CLSTN2: variants seen among roughly 807,000 people sequenced by gnomAD.
CLSTN2 encodes calsyntenin 2, also known as calsyntenin-2.
Under a neutral mutation model 101.2 loss-of-function variants are expected in CLSTN2, and 48 were observed. The observed-to-expected ratio is 0.47, with a 90% CI of 0.38 to 0.60. The LOEUF is 0.60. Ranked by LOEUF, CLSTN2 falls within the 20% of genes least tolerant of loss-of-function variation. The probability of loss-of-function intolerance (pLI) is 0.00; values close to 1 mark genes in which losing one functional copy is unlikely to be tolerated. For missense variants in CLSTN2, 1,160 were observed against 1,238.2 expected (o/e 0.94, Z 0.95); for synonymous variants, 481 against 463.6 (o/e 1.04, Z -0.48).
At chr3:140,220,356 G>A (rs568082055) in intron 2 of CLSTN2, among the ~76,000 whole-genome samples, 1 of 152,302 alleles carries the variant, frequency 6.6e-6, no homozygotes, top group African/African-American at 2.4e-5. Flanking sequence ...GGCAGAGAGT[G>A]CAAGTTCCAA....
At chr3:140,056,168 A>C (rs753859730) in intron 1 of CLSTN2, among the ~76,000 whole-genome samples, 2 of 152,186 alleles carry the variant, frequency 1.3e-5, no homozygotes, top group African/African-American at 2.4e-5. Context: ...TGGAATGAAC[A>C]CTGAAGTGAG....
chr3:140,120,418 C>T (rs772522178), intron 1 of CLSTN2, among the ~76,000 whole-genome samples: 3 of 152,148 alleles, frequency 2.0e-5, no homozygotes, highest in Non-Finnish European at 4.4e-5. Context: ...TTCTAGGAAC[C>T]TCGATGAGTT....
intron 2 of CLSTN2, among the ~76,000 whole-genome samples, chr3:140,218,399 C>T (rs1396118159): frequency 6.6e-6 from 1 of 152,094 alleles, no homozygotes; most frequent in Non-Finnish European, 1.5e-5. Context: ...CTTTTGCTCA[C>T]TTATTATTAT....
At chr3:140,273,586 T>C (rs779533827) in intron 2 of CLSTN2, among the ~76,000 whole-genome samples, 1 of 152,110 alleles carries the variant, frequency 6.6e-6, no homozygotes, top group Non-Finnish European at 1.5e-5. Flanking sequence ...AGCCATTGTG[T>C]GGTTAAGTGA....
At chr3:140,551,729 G>T (rs1333036423) in intron 10 of CLSTN2, among the ~76,000 whole-genome samples, 2 of 151,708 alleles carry the variant, frequency 1.3e-5, no homozygotes, top group South Asian at 4.1e-4. Flanking sequence ...CGAATCTCTT[G>T]TGTATAAAAT....
chr3:140,405,549 C>T (rs1350943259), intron 4 of CLSTN2, among the ~76,000 whole-genome samples: 1 of 112,418 alleles, frequency 8.9e-6, no homozygotes, highest in East Asian at 2.1e-4. Flanking sequence ...TTATAAAGTT[C>T]TTGCCAGTGT....
At chr3:140,364,876 C>T (rs961374393) in intron 2 of CLSTN2, among the ~76,000 whole-genome samples, 4 of 152,192 alleles carry the variant, frequency 2.6e-5, no homozygotes, top group African/African-American at 9.7e-5. Flanking sequence ...ATTAGAATCA[C>T]AGTGGTGAAT....
intron 8 of CLSTN2, among the ~76,000 whole-genome samples, chr3:140,481,390 A>G (rs1934112689): frequency 1.3e-5 from 2 of 152,214 alleles, no homozygotes; most frequent in Non-Finnish European, 2.9e-5. Flanking sequence ...TGATGCCTCC[A>G]GCTTTATTCT....
At chr3:140,114,155 C>T (rs1352008744) in intron 1 of CLSTN2, among the ~76,000 whole-genome samples, 1 of 152,196 alleles carries the variant, frequency 6.6e-6, no homozygotes, top group Non-Finnish European at 1.5e-5. Context: ...GCTCATGTCA[C>T]TCTCACCTGC....
At chr3:140,185,059 A>AG (rs1435946823) in intron 2 of CLSTN2, among the ~76,000 whole-genome samples, 1 of 152,162 alleles carries the variant, frequency 6.6e-6, no homozygotes, top group African/African-American at 2.4e-5. Flanking sequence ...TGCTCCTTAA[A>AG]GGGGGCTTCC....
chr3:140,089,971 CTT>C (rs58418539), intron 1 of CLSTN2, among the ~76,000 whole-genome samples: 803 of 49,548 alleles, frequency 0.016, 17 homozygotes, highest in African/African-American at 0.05. Flanking sequence ...CTAGGATTGG[CTT>C]TTTTTTTTTT....
chr3:140,262,419 G>A (rs2086661215), intron 2 of CLSTN2, among the ~76,000 whole-genome samples: 1 of 152,146 alleles, frequency 6.6e-6, no homozygotes, highest in Admixed American at 6.5e-5. Flanking sequence ...TTGGCCTGAG[G>A]TAAAAGAGAG....
chr3:140,206,805 T>C (rs1018850529), intron 2 of CLSTN2, among the ~76,000 whole-genome samples: 2 of 152,146 alleles, frequency 1.3e-5, no homozygotes, highest in Non-Finnish European at 2.9e-5. Context: ...TTTTTCTCTT[T>C]TGAGTGTGCT....
chr3:140,377,022 C>CAAAGAGAGAGAGAGAGAG (rs148236356), intron 2 of CLSTN2, among the ~76,000 whole-genome samples: 1 of 148,722 alleles, frequency 6.7e-6, no homozygotes, highest in Non-Finnish European at 1.5e-5. Context: ...CACACATACA[C>CAAAGAGAGAGAGAGAGAG]AGAGAGAGAG....
intron 2 of CLSTN2, among the ~76,000 whole-genome samples, chr3:140,253,074 C>T (rs2086577610): frequency 1.3e-5 from 2 of 152,162 alleles, no homozygotes; most frequent in Admixed American, 1.3e-4. Context: ...TAAGTTCGAT[C>T]ACTGGGATCA....
chr3:140,350,756 C>A (rs1159779481), intron 2 of CLSTN2, among the ~76,000 whole-genome samples: 1 of 152,148 alleles, frequency 6.6e-6, no homozygotes, highest in Admixed American at 6.5e-5. Flanking sequence ...GATTTTCTGC[C>A]TTTGACCCCA....
intron 2 of CLSTN2, among the ~76,000 whole-genome samples, chr3:140,340,658 C>T (rs533972675): frequency 2.6e-5 from 4 of 152,284 alleles, no homozygotes; most frequent in Admixed American, 6.5e-5. Flanking sequence ...GTGGTACATT[C>T]GATATAATTA....
At chr3:140,398,249 G>A (rs1056425307) in intron 2 of CLSTN2, among the ~76,000 whole-genome samples, 3 of 152,056 alleles carry the variant, frequency 2.0e-5, no homozygotes, top group Non-Finnish European at 2.9e-5. Context: ...TGTTTAAAGT[G>A]CACTTTCCAT....
intron 1 of CLSTN2, among the ~76,000 whole-genome samples, chr3:140,102,677 G>A (rs978785409): frequency 1.3e-5 from 2 of 152,224 alleles, no homozygotes; most frequent in African/African-American, 4.8e-5. Context: ...ATACTGGTAT[G>A]AGAGGCTGGG....
Sources: allele counts gnomAD v4.1 joint callset (sites outside exome capture counted in the v4.1 genomes callset), GRCh38; gene constraint gnomAD v4.1.1; transcripts MANE v1.5; gene names NCBI Gene and HGNC (gene_info 2026-07-23, HGNC 2026-07-21).